The following DLG2 variants were observed in gnomAD, a reference collection of about 807,000 sequenced individuals.
The protein encoded by DLG2 is discs large MAGUK scaffold protein 2.
In DLG2, 45 loss-of-function variants were observed where a neutral mutation model predicts 132.5. The observed-to-expected ratio is 0.34, with a 90% CI of 0.27 to 0.44. DLG2 has a LOEUF of 0.44. Ranked by LOEUF, DLG2 falls within the 20% of genes least tolerant of loss-of-function variation. The probability of loss-of-function intolerance (pLI) is 1.00; values close to 1 mark genes in which losing one functional copy is unlikely to be tolerated. For synonymous variants in DLG2, 424 were observed against 419.6 expected (o/e 1.01, Z -0.13); for missense variants, 1,045 against 1,196.9 (o/e 0.87, Z 1.87).
intron 6 of DLG2, among the ~76,000 whole-genome samples, chr11:84,992,969 T>G (rs947208851): frequency 2.0e-4 from 30 of 152,344 alleles, no homozygotes; most frequent in African/African-American, 7.0e-4. Context: ...TACAGACACC[T>G]GCACACATAT....
At chr11:85,230,011 G>A (rs1449541587) in intron 4 of DLG2, among the ~76,000 whole-genome samples, 1 of 152,026 alleles carries the variant, frequency 6.6e-6, no homozygotes, top group African/African-American at 2.4e-5. Flanking sequence ...GATAGCATTA[G>A]GAGAAATACC....
chr11:84,490,180 T>C (rs2099161144), intron 7 of DLG2, among the ~76,000 whole-genome samples: 2 of 152,152 alleles, frequency 1.3e-5, no homozygotes, highest in African/African-American at 4.8e-5. Flanking sequence ...CTTTCTCATC[T>C]GTAAAATGGA....
chr11:83,892,711 A>C (rs1476517458), intron 15 of DLG2, among the ~76,000 whole-genome samples: 2 of 150,682 alleles, frequency 1.3e-5, no homozygotes, highest in Non-Finnish European at 3.0e-5. Context: ...AAAAAAAAAA[A>C]CTCACCTCTA....
At chr11:83,775,296 C>T (rs2094538945) in intron 18 of DLG2, among the ~76,000 whole-genome samples, 1 of 152,186 alleles carries the variant, frequency 6.6e-6, no homozygotes. Flanking sequence ...TTTATTACAG[C>T]ATGAATCTGT....
At chr11:85,150,932 A>C (rs2152453382) in intron 5 of DLG2, among the ~76,000 whole-genome samples, 1 of 152,218 alleles carries the variant, frequency 6.6e-6, no homozygotes, top group Admixed American at 6.5e-5. Flanking sequence ...TTCTATTTTT[A>C]AAGTTTTCAA....
chr11:84,482,978 C>T (rs918671963), intron 7 of DLG2, among the ~76,000 whole-genome samples: 2 of 152,094 alleles, frequency 1.3e-5, no homozygotes, highest in African/African-American at 4.8e-5. Flanking sequence ...AAATAGAGAA[C>T]TGTTCAAACA....
intron 6 of DLG2, among the ~76,000 whole-genome samples, chr11:84,663,194 G>C (rs561221048): frequency 6.6e-6 from 1 of 151,090 alleles, no homozygotes; most frequent in Non-Finnish European, 1.5e-5. Context: ...AACATACCAA[G>C]ATATAATGCT....
At chr11:85,171,138 AGCAGCTGCAGTCT>A (rs1295488426) in intron 4 of DLG2, among the ~76,000 whole-genome samples, 1 of 152,164 alleles carries the variant, frequency 6.6e-6, no homozygotes, top group Admixed American at 6.5e-5. Flanking sequence ...GCCAATTAGA[AGCAGCTGCAGTCT>A]GCAGCTGTCA....
intron 8 of DLG2, among the ~76,000 whole-genome samples, chr11:84,232,158 T>G (rs2097102413): frequency 6.6e-6 from 1 of 152,206 alleles, no homozygotes; most frequent in African/African-American, 2.4e-5. Flanking sequence ...ACAATTCTCG[T>G]ATCACCTTCT....
chr11:83,895,359 C>T (rs890370364), intron 15 of DLG2, among the ~76,000 whole-genome samples: 5 of 152,036 alleles, frequency 3.3e-5, no homozygotes, highest in African/African-American at 1.2e-4. Context: ...TGGGTTTCTC[C>T]ACGTTGGTCA....
chr11:84,777,102 G>C lies in DLG2; in HGVS notation c.358-242371C>G, dbSNP rs79618763. ...GTCATTTCACTCTGTATGTCCGTATGTACACTTTTTTAAGCACCCATTTAT... is the reference window on the plus strand; with the variant it reads ...GTCATTTCACTCTGTATGTCCGTATCTACACTTTTTTAAGCACCCATTTAT... On this transcript the variant is annotated intron_variant, in intron 6 of 27. Coordinates refer to ENST00000376104, the MANE Select transcript of DLG2 (RefSeq NM_001142699.3). Among the ~76,000 whole-genome samples the C allele has an allele frequency of 9.6e-3, 1,447 of 151,384 alleles. 27 individuals carry two copies. The highest frequency in any genetic ancestry group is 0.032 in the African/African-American group (1,339 of 41,294).
intron 10 of DLG2, among the ~76,000 whole-genome samples, chr11:84,069,034 A>G (rs1243266575): frequency 6.6e-6 from 1 of 152,190 alleles, no homozygotes; most frequent in Admixed American, 6.5e-5. Context: ...CAAGCCAAGT[A>G]ACAAAATCTA....
At chr11:83,571,329 C>T (rs1026507821) in intron 19 of DLG2, among the ~76,000 whole-genome samples, 2 of 136,738 alleles carry the variant, frequency 1.5e-5, no homozygotes, top group South Asian at 2.4e-4. Context: ...ATTAAGAACA[C>T]TGGAAGTTAA....
At chr11:84,634,931 A>G (rs2099638092) in intron 6 of DLG2, among the ~76,000 whole-genome samples, 1 of 152,208 alleles carries the variant, frequency 6.6e-6, no homozygotes, top group South Asian at 2.1e-4. Context: ...AAGGTCAACA[A>G]GGAAATGGAG....
At chr11:84,839,926 A>G (rs1465182032) in intron 6 of DLG2, among the ~76,000 whole-genome samples, 1 of 152,150 alleles carries the variant, frequency 6.6e-6, no homozygotes. Context: ...GGACATAGGC[A>G]TGGGCAAGGG....
intron 17 of DLG2, among the ~76,000 whole-genome samples, chr11:83,805,344 G>A (rs2045625353): frequency 1.3e-5 from 2 of 151,636 alleles, no homozygotes; most frequent in South Asian, 4.2e-4. Flanking sequence ...TTTTGTGCAG[G>A]AGAGCTTCTC....
chr11:83,495,373 A>T (rs1300711508), intron 21 of DLG2, among the ~76,000 whole-genome samples: 1 of 152,128 alleles, frequency 6.6e-6, no homozygotes, highest in Non-Finnish European at 1.5e-5. Context: ...ATTGTAATTG[A>T]CAAAAACAAT....
chr11:84,535,791 T>G (rs1344430746), intron 6 of DLG2, among the ~76,000 whole-genome samples: 4 of 152,110 alleles, frequency 2.6e-5, no homozygotes, highest in Non-Finnish European at 4.4e-5. Context: ...GATAATAAAG[T>G]GTTAGTTTGC....
intron 6 of DLG2, among the ~76,000 whole-genome samples, chr11:85,085,660 T>G (rs1041990251): frequency 1.3e-5 from 2 of 152,178 alleles, no homozygotes; most frequent in African/African-American, 4.8e-5. Context: ...AGGACCTATG[T>G]TGAGAGTTTT....
Sources: gnomAD v4.1 joint callset for allele counts (sites outside exome capture counted in the v4.1 genomes callset) on GRCh38, gnomAD v4.1.1 for gene constraint, MANE v1.5 for transcripts, NCBI Gene and HGNC (gene_info 2026-07-23, HGNC 2026-07-21) for gene names.